GALNT16: variants seen among roughly 807,000 people sequenced by gnomAD.
The protein encoded by GALNT16 is polypeptide N-acetylgalactosaminyltransferase 16.
Under a neutral mutation model 76.1 loss-of-function variants are expected in GALNT16, and 40 were observed. The observed-to-expected ratio is 0.53, with a 90% confidence interval of 0.41 to 0.68. The LOEUF is 0.68. GALNT16 is among the 30% of genes least tolerant of loss of function. GALNT16 has a pLI of 0.00. For synonymous variants in GALNT16, 276 were observed against 285.2 expected (o/e 0.97, Z 0.32); for missense variants, 621 against 731.9 (o/e 0.85, Z 1.75).
intron 12 of GALNT16, among the ~76,000 whole-genome samples, chr14:69,345,894 T>G (rs2045556846): frequency 1.3e-5 from 2 of 152,092 alleles, no homozygotes; most frequent in Admixed American, 6.5e-5. Context: ...TTTTATTTTA[T>G]TTATTTACTT....
the GALNT16 span, among the ~76,000 whole-genome samples, chr14:69,363,808 T>C: frequency 2.0e-5 from 3 of 148,396 alleles, no homozygotes; most frequent in African/African-American, 4.9e-5. Flanking sequence ...TCAAGGCAGA[T>C]GCATGCCGAT....
chr14:69,308,595 A>C (rs763429167), intron 1 of GALNT16, among the ~76,000 whole-genome samples: 1 of 152,236 alleles, frequency 6.6e-6, no homozygotes, highest in Non-Finnish European at 1.5e-5. Flanking sequence ...AAAATAATGC[A>C]GTAATTAATA....
chr14:69,269,810 T>TGTGTG (rs556443351), intron 1 of GALNT16, among the ~76,000 whole-genome samples: 1,758 of 144,578 alleles, frequency 0.012, 25 homozygotes, highest in African/African-American at 0.044. Context: ...ATTTGTGTGT[T>TGTGTG]TGTGTGTGTG....
chr14:69,276,227 G>GA (rs985814553), intron 1 of GALNT16, among the ~76,000 whole-genome samples: 33 of 150,384 alleles, frequency 2.2e-4, no homozygotes, highest in Non-Finnish European at 8.9e-5. Flanking sequence ...TCCAAAAAAA[G>GA]AAAAAAAAAG....
In GALNT16 at chr14:69,261,019, C is replaced by A. The variant is rs974190182; in HGVS notation, c.177+552C>A. The stretch of plus-strand genomic sequence containing the variant: ...TCAACTTGAACCCGCTTCTTCGGCG[C>A]GGACACCCAGCTTCCCCGGAGTTCT... On this transcript the variant is annotated intron_variant, in intron 1 of 14. Coordinates refer to ENST00000448469, the MANE Select transcript of GALNT16 (RefSeq NM_001168368.2). This position sits in a 1 kb window ranked among gnomAD's most constrained non-coding sequence, Gnocchi z 6.4. 6.6e-6 allele frequency among the ~76,000 whole-genome samples: 1 copy of A among 152,196 alleles called. No individual in the cohort carries two copies. The highest frequency in any genetic ancestry group is 6.5e-5 in the Admixed American group (1 of 15,288).
intron 1 of GALNT16, among the ~76,000 whole-genome samples, chr14:69,266,070 G>A (rs1442100290): frequency 1.3e-5 from 2 of 152,140 alleles, no homozygotes; most frequent in Non-Finnish European, 2.9e-5. Flanking sequence ...AAGTGCACCC[G>A]ACACTAGGTG....
rs149128204 is a variant in GALNT16 at position 69,339,134 on chromosome 14, C to T, written c.1094+357C>T. On this transcript the variant is annotated intron_variant, in intron 10 of 14. Coordinates refer to ENST00000448469, the MANE Select transcript of GALNT16 (RefSeq NM_001168368.2). Reference sequence around the variant, plus strand: ...GATCAACCATCTGTCCATCCCTATCCCCAGCTACAGGGTGCACTAGTCTCA... The same window carrying T: ...GATCAACCATCTGTCCATCCCTATCTCCAGCTACAGGGTGCACTAGTCTCA... Among the ~76,000 whole-genome samples the T allele has an allele frequency of 7.6e-4, 115 of 152,252 alleles. 1 individual carries two copies. The highest frequency in any genetic ancestry group is 2.7e-3 in the African/African-American group (113 of 41,550).
chr14:69,370,546 A>AT, the GALNT16 span, among the ~76,000 whole-genome samples: 68 of 151,462 alleles, frequency 4.5e-4, 3 homozygotes, highest in East Asian at 2.5e-3. Context: ...CGAATCTTTT[A>AT]TTTTTTTTTA....
chr14:69,290,381 TC>T (rs1176851378), intron 1 of GALNT16, among the ~76,000 whole-genome samples: 2 of 152,112 alleles, frequency 1.3e-5, no homozygotes, highest in African/African-American at 4.8e-5. Flanking sequence ...GAAAAAGCTG[TC>T]CCAAGACATC....
intron 1 of GALNT16, among the ~76,000 whole-genome samples, chr14:69,309,674 G>T (rs751464027): frequency 1.3e-5 from 2 of 151,996 alleles, no homozygotes; most frequent in Non-Finnish European, 2.9e-5. Flanking sequence ...TTAAATATTG[G>T]TTCATTTCTT....
chr14:69,363,051 G>A, the GALNT16 span, among the ~76,000 whole-genome samples: 12 of 152,232 alleles, frequency 7.9e-5, no homozygotes, highest in Admixed American at 2.0e-4. Context: ...ATATTGGACC[G>A]GGAGGGAAGG....
chr14:69,314,501 T>G (rs757566581), intron 1 of GALNT16, among the ~76,000 whole-genome samples: 7 of 152,244 alleles, frequency 4.6e-5, no homozygotes, highest in Non-Finnish European at 1.0e-4. Flanking sequence ...AGGCCTCCCC[T>G]GTACCCAACC....
chr14:69,290,431 G>A (rs1417020137), intron 1 of GALNT16, among the ~76,000 whole-genome samples: 1 of 152,210 alleles, frequency 6.6e-6, no homozygotes, highest in East Asian at 1.9e-4. Context: ...GGAACAGCAC[G>A]GCAGGGACAG....
chr14:69,347,397 G>C (rs745797053), intron 13 of GALNT16, among the ~76,000 whole-genome samples: 1 of 152,176 alleles, frequency 6.6e-6, no homozygotes, highest in Non-Finnish European at 1.5e-5. Flanking sequence ...TGTTCTTGCC[G>C]AGGGAGAAGA....
At chr14:69,384,213 C>T in the GALNT16 span, among the ~76,000 whole-genome samples, 2 of 152,244 alleles carry the variant, frequency 1.3e-5, no homozygotes, top group African/African-American at 4.8e-5. Flanking sequence ...TAAGAACATG[C>T]TTGTAATTAA....
At chr14:69,278,796 TA>T (rs2044505027) in intron 1 of GALNT16, among the ~76,000 whole-genome samples, 1 of 152,220 alleles carries the variant, frequency 6.6e-6, no homozygotes, top group Non-Finnish European at 1.5e-5. Flanking sequence ...TAGCATTGAT[TA>T]ATTCCTTAGA....
intron 1 of GALNT16, among the ~76,000 whole-genome samples, chr14:69,286,218 T>G (rs1437298687): frequency 6.6e-6 from 1 of 152,034 alleles, no homozygotes; most frequent in African/African-American, 2.4e-5. Context: ...ATGAGGGAAC[T>G]TTCTGGAATG....
intron 1 of GALNT16, among the ~76,000 whole-genome samples, chr14:69,273,636 A>C (rs537602352): frequency 1.3e-5 from 2 of 152,370 alleles, no homozygotes; most frequent in African/African-American, 4.8e-5. Flanking sequence ...TGAGGCTTAC[A>C]CTGAGCCAGA....
chr14:69,281,591 TC>T (rs1236075986), intron 1 of GALNT16, among the ~76,000 whole-genome samples: 1 of 151,888 alleles, frequency 6.6e-6, no homozygotes, highest in Admixed American at 6.5e-5. Context: ...GAAATCTCTC[TC>T]CTTTGTTGCC....
Sources: gnomAD v4.1 joint callset for allele counts (sites outside exome capture counted in the v4.1 genomes callset) on GRCh38, gnomAD v4.1.1 for gene constraint, Gnocchi (gnomAD v3.1) non-coding constraint, MANE v1.5 for transcripts, NCBI Gene and HGNC (gene_info 2026-07-23, HGNC 2026-07-21) for gene names.